Variants in TBC1D21 observed in about 807,000 individuals in gnomAD.
TBC1D21 encodes TBC1 domain family member 21, also known as male germ cell Rab GTPase-activating protein.
TBC1D21 carries 38 observed loss-of-function variants against 46.0 expected under a neutral mutation model. That is an observed-to-expected ratio of 0.83 (90% confidence interval 0.64 to 1.08). TBC1D21 has a LOEUF of 1.08. Ranked by LOEUF, TBC1D21 falls within the 50% of genes least tolerant of loss-of-function variation. TBC1D21 has a pLI of 0.00. For missense variants in TBC1D21, 415 were observed against 417.9 expected, an observed-to-expected ratio of 0.99 and a Z score of 0.06; for synonymous variants, 151 against 157.2, an observed-to-expected ratio of 0.96 and a Z score of 0.29.
chr15:73,887,542 T>C, intron 8 of TBC1D21, 78 bp from the exon 9 acceptor site: 1 of 1,245,172 alleles, frequency 8.0e-7, no homozygotes, highest in Non-Finnish European at 1.2e-6. Context: ...AGGCACGTGG[T>C]TGGTGGGTAC....
chr15:73,899,638 G>A, the TBC1D21 span, among the ~76,000 whole-genome samples: 6 of 152,162 alleles, frequency 3.9e-5, no homozygotes, highest in African/African-American at 1.4e-4. Context: ...GGAATCAGAG[G>A]AGAGAAAAGA....
At chr15:73,892,200 G>C (rs2068342963), downstream of TBC1D21, among the ~76,000 whole-genome samples, 1 of 152,216 alleles carries the variant, frequency 6.6e-6, no homozygotes, top group African/African-American at 2.4e-5. Flanking sequence ...GGTCTCCTCC[G>C]AGCTGTTCTG....
intron 1 of TBC1D21, among the ~76,000 whole-genome samples, chr15:73,880,875 C>G (rs1000814241): frequency 1.3e-5 from 2 of 152,126 alleles, no homozygotes; most frequent in East Asian, 3.8e-4. Context: ...TGTATTTTCT[C>G]AGTCTTTTTC....
intron 3 of TBC1D21, among the ~76,000 whole-genome samples, chr15:73,883,489 A>G (rs150127936): frequency 6.6e-6 from 1 of 152,022 alleles, no homozygotes; most frequent in African/African-American, 2.4e-5. Context: ...TGGCTGCCTC[A>G]CTCCATTCCC....
the TBC1D21 span, among the ~76,000 whole-genome samples, chr15:73,898,880 A>AAAAAAAAAAATATATATAT: frequency 1.5e-3 from 87 of 56,766 alleles, no homozygotes; most frequent in Non-Finnish European, 2.9e-3. Context: ...AAAAAAAAAA[A>AAAAAAAAAAATATATATAT]ATATATATAT....
At chr15:73,882,753 C>A (rs2068176766) in intron 3 of TBC1D21, among the ~76,000 whole-genome samples, 1 of 152,200 alleles carries the variant, frequency 6.6e-6, no homozygotes, top group Non-Finnish European at 1.5e-5. Flanking sequence ...GTTGTGGGGG[C>A]TCAATCAGAT....
the TBC1D21 span, among the ~76,000 whole-genome samples, chr15:73,894,829 T>G: frequency 6.6e-6 from 1 of 152,168 alleles, no homozygotes; most frequent in African/African-American, 2.4e-5. Context: ...GAATTTCCAG[T>G]TGGTGCCAAG....
In TBC1D21 at chr15:73,887,645, G is replaced by A. The variant is rs1249901367; in HGVS notation, c.803G>A (p.Arg268Lys). Residue 268 changes from arginine (R) to lysine (K), a missense_variant, in exon 9 of 11, where the codon AGG (arginine) becomes AAG (lysine). Coordinates refer to ENST00000300504, the MANE Select transcript of TBC1D21 (RefSeq NM_153356.3). ...WEVLLTGKPC[R>K]NFQVLVAYSM... is the part of the protein sequence containing the mutation. The stretch of plus-strand genomic sequence containing the variant: ...GTTCTGCTGACGGGGAAGCCCTGCA[G>A]GAACTTCCAGGTGCTGGTGGCCTAC... The A allele has an allele frequency of 6.2e-7, 1 of 1,613,974 alleles. No individual in the cohort carries two copies. Among genetic ancestry groups the A allele is most frequent in the African/African-American group, 1.3e-5 (1 of 74,938 alleles).
At chr15:73,885,175 A>G in intron 6 of TBC1D21, 72 bp downstream of exon 6, 1 of 1,395,246 alleles carries the variant, frequency 7.2e-7, no homozygotes, top group Admixed American at 1.7e-5. Flanking sequence ...CTCTTTGAGG[A>G]TGGGCAGGCA....
chr15:73,877,258 T>G (rs1474946113), intron 1 of TBC1D21, among the ~76,000 whole-genome samples: 1 of 152,168 alleles, frequency 6.6e-6, no homozygotes, highest in African/African-American at 2.4e-5. Flanking sequence ...TTTTATTAAT[T>G]CCTTGTTGTT....
chr15:73,881,878 C>T (rs886507352), intron 3 of TBC1D21, 131 bp downstream of exon 3: 16 of 777,832 alleles, frequency 2.1e-5, no homozygotes, highest in Non-Finnish European at 3.2e-5. Flanking sequence ...GCCTCCTGAC[C>T]CAGGCACAGC....
intron 1 of TBC1D21, among the ~76,000 whole-genome samples, chr15:73,875,323 AG>A (rs1166047676): frequency 8.8e-5 from 12 of 136,866 alleles, no homozygotes; most frequent in Admixed American, 3.6e-4. Flanking sequence ...GAAGGAAGGA[AG>A]GGAGGGAGGG....
At chr15:73,885,226 G>C in intron 6 of TBC1D21, 123 bp downstream of exon 6, 1 of 877,084 alleles carries the variant, frequency 1.1e-6, no homozygotes, top group Non-Finnish European at 1.8e-6. Flanking sequence ...CTGGGTCTCA[G>C]AGGAGCCTGG....
At chr15:73,894,445 G>A in the TBC1D21 span, among the ~76,000 whole-genome samples, 1 of 152,250 alleles carries the variant, frequency 6.6e-6, no homozygotes, top group Non-Finnish European at 1.5e-5. Flanking sequence ...AGTAAGTGTG[G>A]GAGGGCCCAG....
intron 1 of TBC1D21, among the ~76,000 whole-genome samples, chr15:73,876,413 T>TTG (rs1595817328): frequency 1.4e-5 from 2 of 147,270 alleles, no homozygotes; most frequent in East Asian, 4.0e-4. Context: ...TTTTTTTTTT[T>TTG]GTATTTTTTT....
At chr15:73,889,232 T>C, downstream of TBC1D21, 1 of 1,139,982 alleles carries the variant, frequency 8.8e-7, no homozygotes, top group South Asian at 1.3e-5. Context: ...TGGTGGATGC[T>C]ATGTCTTTGA....
chr15:73,879,092 T>C (rs997406162), intron 1 of TBC1D21, among the ~76,000 whole-genome samples: 1 of 152,252 alleles, frequency 6.6e-6, no homozygotes, highest in Non-Finnish European at 1.5e-5. Flanking sequence ...ACATGAGTTA[T>C]TAAAAATGTG....
At chr15:73,883,546 C>T (rs2068191024) in intron 3 of TBC1D21, among the ~76,000 whole-genome samples, 1 of 152,178 alleles carries the variant, frequency 6.6e-6, no homozygotes, top group Non-Finnish European at 1.5e-5. Flanking sequence ...GTTATAAGAA[C>T]ACATGTCATT....
chr15:73,875,049 C>G (rs529949223), intron 1 of TBC1D21, among the ~76,000 whole-genome samples: 2 of 152,038 alleles, frequency 1.3e-5, no homozygotes, highest in Non-Finnish European at 2.9e-5. Context: ...GAGTTCAAGA[C>G]CAGCCTGGCC....
Sources: allele counts gnomAD v4.1 joint callset (sites outside exome capture counted in the v4.1 genomes callset), GRCh38; gene constraint gnomAD v4.1.1; transcripts MANE v1.5; gene names NCBI Gene and HGNC (gene_info 2026-07-23, HGNC 2026-07-21).